EIF3B: variants seen among roughly 807,000 people sequenced by gnomAD.
EIF3B encodes the protein eukaryotic translation initiation factor 3 subunit B.
EIF3B carries 10 observed loss-of-function variants against 104.6 expected under a neutral mutation model. That is an observed-to-expected ratio of 0.10 (90% CI 0.06 to 0.16). The LOEUF is 0.16. EIF3B is among the 10% of genes least tolerant of loss of function. The pLI is 1.00. For synonymous variants in EIF3B, 542 were observed against 417.2 expected (o/e 1.30, Z -3.65); for missense variants, 1,014 against 1,087.9 (o/e 0.93, Z 0.96).
In EIF3B at chr7:2,379,493, A is replaced by T. The variant is rs776869255; in HGVS notation, c.2441A>T (p.Glu814Val). Reference protein sequence around the residue: ...TEEIIPLGNQE With the variant: ...TEEIIPLGNQV Reference sequence around the variant, plus strand: ...GAAATCATTCCCCTCGGGAATCAGGAGTGACCTGGAGCACTGTGGTGAGCG... The same window carrying T: ...GAAATCATTCCCCTCGGGAATCAGGTGTGACCTGGAGCACTGTGGTGAGCG... Residue 814 changes from glutamate (E) to valine (V), a missense_variant, in exon 18 of 19, where the codon GAG becomes GTG. Around this residue, in one of 4 missense-constraint regions of EIF3B, gnomAD observed 266 missense variants for 324.0 expected, o/e 0.82. Transcript: ENST00000360876. The T allele has an allele frequency of 1.3e-6, 2 of 1,567,572 alleles. No homozygotes were observed. Among genetic ancestry groups the T allele is most frequent in the South Asian group, 2.3e-5 (2 of 85,254 alleles).
chr7:2,372,904 C>T (rs780353725), intron 12 of EIF3B, 109 bp downstream of exon 12: 11 of 1,256,764 alleles, frequency 8.8e-6, no homozygotes, highest in East Asian at 2.5e-5. Flanking sequence ...CTGGGCAGGC[C>T]GGGACTCGCC....
chr7:2,372,265 G>T (rs1385058231), intron 11 of EIF3B: 1 of 228,760 alleles, frequency 4.4e-6, no homozygotes, highest in East Asian at 9.7e-5. Context: ...TTGCCATGGA[G>T]AAAAGGAGGA....
At chr7:2,377,670 G>A (rs1277887166) in intron 15 of EIF3B, among the ~76,000 whole-genome samples, 1 of 97,082 alleles carries the variant, frequency 1.0e-5, no homozygotes, top group Admixed American at 9.1e-5. Flanking sequence ...GGAGGAAGGA[G>A]CAGGCGCGAG....
Position 2,355,368 on chromosome 7 carries a change from C to T in EIF3B, c.447C>T (p.Asp149=). 6.5e-7 allele frequency: 1 copy of T among 1,536,036 alleles called. No individual in the cohort carries two copies. Among genetic ancestry groups the T allele is most frequent in the Non-Finnish European group, 8.7e-7 (1 of 1,147,752 alleles). The change falls in exon 1 of 19, where the codon GAC becomes GAT. Residue 149 remains aspartate, a synonymous_variant. Transcript: ENST00000360876. ...EPRALENGDA[D]EPSFSDPEDF... Reference sequence around the variant, plus strand: ...GGGCGCTGGAGAACGGCGACGCGGACGAGCCCTCCTTCAGCGACCCCGAGG... The same window carrying T: ...GGGCGCTGGAGAACGGCGACGCGGATGAGCCCTCCTTCAGCGACCCCGAGG...
rs374008114 is a variant in EIF3B, at chr7:2,380,250, G to A, written c.*61G>A. On this transcript the variant is annotated 3_prime_UTR_variant, in exon 19 of 19. Coordinates refer to ENST00000360876, the MANE Select transcript of EIF3B (RefSeq NM_001037283.2). ...TCCCGCGCTGAGCTACAGGACTCCC[G>A]AGTGTGAGCCGCGGTTCCTCTGTTG... 2.0e-4 allele frequency: 97 copies of A among 476,794 alleles called. 1 individual carries two copies. The highest frequency in any genetic ancestry group is 1.1e-3 in the Middle Eastern group (3 of 2,816). The allele number at this position is 476,794 out of a possible 1,614,324, so 29.5% of individuals were successfully genotyped here. A position where few individuals can be genotyped will look rare whatever the true frequency, so the allele number is the denominator to read the frequency against.
In EIF3B at chr7:2,376,805, T is replaced by C. The variant is rs1272836519; in HGVS notation, c.2029-145T>C. 3 of 1,240,436 alleles carry C rather than the reference T, an allele frequency of 2.4e-6. No homozygotes were observed. In the African/African-American group the frequency reaches 4.5e-5, roughly 19 times the overall value. 76.8% of individuals were successfully genotyped at this position (1,240,436 alleles called of 1,614,324 possible). A position where few individuals can be genotyped will look rare whatever the true frequency, so the allele number is the denominator to read the frequency against. On this transcript the variant is annotated intron_variant, in intron 14 of 18. Coordinates refer to ENST00000360876, the MANE Select transcript of EIF3B (RefSeq NM_001037283.2). ...AGGTGTCTTGCATTGACTGCCCACC[T>C]ACCCTGCTGTCAGCTCAGCACAGGC...
At chr7:2,361,051 C>G (rs1779699325) in intron 2 of EIF3B, 149 bp downstream of exon 2, 1 of 577,584 alleles carries the variant, frequency 1.7e-6, no homozygotes, top group African/African-American at 1.9e-5. Context: ...TGGAAGCTAT[C>G]CAGAGCAGTG....
chr7:2,355,529 G>C (rs993809539), intron 1 of EIF3B, 109 bp downstream of exon 1: 1 of 1,363,454 alleles, frequency 7.3e-7, no homozygotes, highest in African/African-American at 1.5e-5. Flanking sequence ...AAGTTCCAGC[G>C]AGGGTGTCCG....
intron 15 of EIF3B, 48 bp from the exon 16 acceptor site, chr7:2,378,641 C>T (rs1264533398): frequency 2.6e-6 from 4 of 1,542,934 alleles, no homozygotes; most frequent in Admixed American, 1.7e-5. Flanking sequence ...TGCATTTGTG[C>T]TTGTTGCTTT....
chr7:2,360,914 C>G lies in EIF3B; in HGVS notation c.692+12C>G. 1 of 1,595,546 alleles carries G rather than the reference C, an allele frequency of 6.3e-7. No individual in the cohort carries two copies. Among genetic ancestry groups the G allele is most frequent in the Non-Finnish European group, 8.6e-7 (1 of 1,164,606 alleles). On this transcript the variant is annotated intron_variant, in intron 2 of 18. Coordinates refer to ENST00000360876, the MANE Select transcript of EIF3B (RefSeq NM_001037283.2). Reference sequence around the variant, plus strand: ...GGGAAGACAAAAGGGTGAGTGTTCTCCTGTTGGAGAAGTATCATCTGTGTC... The same window carrying G: ...GGGAAGACAAAAGGGTGAGTGTTCTGCTGTTGGAGAAGTATCATCTGTGTC...
At position 2,363,661 on chromosome 7, in the gene EIF3B, A is replaced by C; in HGVS notation, c.900A>C (p.Ala300=). Residue 300 remains alanine (A), a synonymous_variant, in exon 5 of 19, where the codon GCA becomes GCC. Transcript: ENST00000360876. The part of the protein sequence containing the change: ...LGNLRYWLEE[A]ECRDQYSVIF... ...ACTTACGTTACTGGCTTGAAGAGGC[A>C]GAATGCAGAGATCAGTACAGTGTGA... 6.2e-7 allele frequency: 1 copy of C among 1,611,960 alleles called. No homozygotes were observed. Among genetic ancestry groups the C allele is most frequent in the Non-Finnish European group, 8.5e-7 (1 of 1,179,386 alleles).
Position 2,380,075 on chromosome 7 carries a change from CG to C in EIF3B, c.*15-126del, listed in dbSNP as rs1447459735. ...ACCATGAGCGAGTAGGGGTGGCACA[CG>C]GGCTCAGCTCTCTGTGGCCGGGGTG... On this transcript the variant is annotated intron_variant, in intron 18 of 18. Coordinates refer to ENST00000360876, the MANE Select transcript of EIF3B (RefSeq NM_001037283.2). 22 of 301,466 alleles carry C rather than the reference CG, an allele frequency of 7.3e-5. No individual in the cohort carries two copies. In the East Asian group the frequency reaches 2.0e-3, roughly 28 times the overall value. 18.7% of individuals were successfully genotyped at this position (301,466 alleles called of 1,614,324 possible).
At chr7:2,366,498 A>G in intron 7 of EIF3B, 27 bp from the exon 8 acceptor site, 2 of 1,614,144 alleles carry the variant, frequency 1.2e-6, no homozygotes, top group Non-Finnish European at 1.7e-6. Context: ...TTTCATGGGA[A>G]TACCCTGGCA....
chr7:2,355,562 G>A lies in EIF3B; in HGVS notation c.499+142G>A, dbSNP rs986540154. On this transcript the variant is annotated intron_variant, in intron 1 of 18. Coordinates refer to ENST00000360876, the MANE Select transcript of EIF3B (RefSeq NM_001037283.2). ...CCGTGTGTTCCTGAGAAGCCACCGA[G>A]GGAGGGGTTCCCGAGTGCCCTGGAA... The A allele has an allele frequency of 2.5e-6, 3 of 1,219,324 alleles. No individual in the cohort carries two copies. In the African/African-American group the frequency reaches 4.8e-5, roughly 19 times the overall value. The allele number at this position is 1,219,324 out of a possible 1,614,324, so 75.5% of individuals were successfully genotyped here. A position where few individuals can be genotyped will look rare whatever the true frequency, so the allele number is the denominator to read the frequency against.
rs111944821 is a variant in EIF3B, at chr7:2,371,660, G to T, written c.1615-117G>T. ...GTGGCTTTCATCACTGCACATGCTC[G>T]TGTGTGAACCAGGCATGCACACTGA... On this transcript the variant is annotated intron_variant, in intron 10 of 18. Coordinates refer to ENST00000360876, the MANE Select transcript of EIF3B (RefSeq NM_001037283.2). 1.0e-5 allele frequency: 8 copies of T among 803,564 alleles called. No homozygotes were observed. The African/African-American group carries it at 1.3e-4, about 14-fold the overall frequency. 49.8% of individuals were successfully genotyped at this position (803,564 alleles called of 1,614,324 possible).
intron 2 of EIF3B, among the ~76,000 whole-genome samples, chr7:2,361,922 G>A (rs906188158): frequency 3.3e-5 from 5 of 149,740 alleles, no homozygotes; most frequent in African/African-American, 7.4e-5. Flanking sequence ...GATTACAGGC[G>A]CACACTACCA....
intron 5 of EIF3B, 154 bp from the exon 6 acceptor site, chr7:2,364,218 C>T (rs528160466): frequency 1.2e-4 from 76 of 650,398 alleles, no homozygotes; most frequent in African/African-American, 9.8e-4. Context: ...GCTGAGATTG[C>T]GCCACTGCAC....
At chr7:2,366,634 C>T in intron 8 of EIF3B, 43 bp downstream of exon 8, 1 of 1,604,950 alleles carries the variant, frequency 6.2e-7, no homozygotes. Context: ...CCGGTCCTTG[C>T]TTGTAACCGG....
intron 9 of EIF3B, 73 bp downstream of exon 9, chr7:2,367,118 A>C (rs944674067): frequency 4.9e-5 from 60 of 1,227,480 alleles, no homozygotes; most frequent in East Asian, 2.4e-4. Context: ...AAAAAAAAAA[A>C]ACACAATACC....
Sources: allele counts gnomAD v4.1 joint callset (sites outside exome capture counted in the v4.1 genomes callset), GRCh38; gene constraint gnomAD v4.1.1; regional missense constraint gnomAD v4.1.1; transcripts MANE v1.5; gene names NCBI Gene and HGNC (gene_info 2026-07-23, HGNC 2026-07-21).